The following MACROD2 variants were observed in gnomAD, a reference collection of about 807,000 sequenced individuals.
MACROD2 encodes the protein mono-ADP ribosylhydrolase 2, also known as ADP-ribose glycohydrolase MACROD2.
MACROD2 carries 36 observed loss-of-function variants against 70.4 expected under a neutral mutation model. The observed-to-expected ratio is 0.51, with a 90% CI of 0.39 to 0.68. The LOEUF (loss-of-function observed/expected upper bound fraction) is 0.68, where lower values mean the gene tolerates loss of function less well. Ranked by LOEUF, MACROD2 falls within the 30% of genes least tolerant of loss-of-function variation. The probability of loss-of-function intolerance (pLI) is 0.00; values close to 1 mark genes in which losing one functional copy is unlikely to be tolerated. For synonymous variants in MACROD2, 172 were observed against 178.8 expected, an observed-to-expected ratio of 0.96 and a Z score of 0.30; for missense variants, 496 against 538.4, an observed-to-expected ratio of 0.92 and a Z score of 0.78.
chr20:15,132,225 A>C (rs1186062422), intron 5 of MACROD2, among the ~76,000 whole-genome samples: 2 of 152,138 alleles, frequency 1.3e-5, no homozygotes, highest in East Asian at 3.9e-4. Flanking sequence ...GTAAAATAAA[A>C]AGTTTTCAGC....
At chr20:15,144,104 A>C (rs1193567284) in intron 5 of MACROD2, among the ~76,000 whole-genome samples, 1 of 152,138 alleles carries the variant, frequency 6.6e-6, no homozygotes, top group Non-Finnish European at 1.5e-5. Flanking sequence ...TACAGTAGTA[A>C]TATAAATACT....
rs537975049 is a variant in MACROD2, at chr20:15,987,242, C to T, written c.1153+84C>T. 850 of 1,096,972 alleles carry T rather than the reference C, an allele frequency of 7.7e-4. 9 individuals carry two copies. In the South Asian group the frequency reaches 8.4e-3, roughly 11 times the overall value. The allele number at this position is 1,096,972 out of a possible 1,614,324, so 68.0% of individuals were successfully genotyped here. On this transcript the variant is annotated intron_variant, in intron 15 of 17. Transcript: ENST00000684519. ...AGAATTCAACCATCAAAGTTATTCT[C>T]ATGCAATTACAGTTTGTAAAGGGGG...
intron 3 of MACROD2, among the ~76,000 whole-genome samples, chr20:14,099,878 A>G (rs2054275676): frequency 6.6e-6 from 1 of 152,106 alleles, no homozygotes; most frequent in Non-Finnish European, 1.5e-5. Context: ...TATTTTCATT[A>G]ATTTGTAAGA....
chr20:15,468,691 T>C (rs1376642097), intron 7 of MACROD2, among the ~76,000 whole-genome samples: 1 of 152,206 alleles, frequency 6.6e-6, no homozygotes, highest in Non-Finnish European at 1.5e-5. Context: ...ATTATCCGTC[T>C]TCTGCTGTTC....
intron 8 of MACROD2, among the ~76,000 whole-genome samples, chr20:15,624,773 G>A (rs1169763888): frequency 6.6e-6 from 1 of 152,120 alleles, no homozygotes; most frequent in Non-Finnish European, 1.5e-5. Context: ...CTGATTTCTG[G>A]TATAGGACAA....
At chr20:15,463,016 T>C (rs2046839234) in intron 7 of MACROD2, among the ~76,000 whole-genome samples, 1 of 152,252 alleles carries the variant, frequency 6.6e-6, no homozygotes, top group Admixed American at 6.5e-5. Flanking sequence ...AACTAATGTA[T>C]ACATTTGTAA....
intron 3 of MACROD2, among the ~76,000 whole-genome samples, chr20:14,139,597 G>C (rs1193629888): frequency 1.3e-5 from 2 of 152,122 alleles, no homozygotes; most frequent in African/African-American, 4.8e-5. Context: ...TTTTGCAATA[G>C]TGGTATAATT....
At position 14,062,190 on chromosome 20, in the gene MACROD2, C is replaced by G. The variant is rs541910133; in HGVS notation, c.164-23431C>G. Among the ~76,000 whole-genome samples the G allele has an allele frequency of 1.8e-3, 280 of 152,128 alleles. 3 individuals carry two copies. Among genetic ancestry groups the G allele is most frequent in the African/African-American group, 6.5e-3 (270 of 41,530 alleles). On this transcript the variant is annotated intron_variant, in intron 2 of 17. Coordinates refer to ENST00000684519, the MANE Select transcript of MACROD2 (RefSeq NM_001351661.2). The stretch of plus-strand genomic sequence containing the variant: ...TTAAGTGATTGACTTTGAAAGTGTC[C>G]TTTGTTTTAGCTTCTTTGTTCCATT...
chr20:14,671,306 A>G (rs1335133446), intron 4 of MACROD2, among the ~76,000 whole-genome samples: 1 of 152,198 alleles, frequency 6.6e-6, no homozygotes, highest in South Asian at 2.1e-4. Context: ...CATCTTTAAC[A>G]TACTCTGGGC....
intron 8 of MACROD2, among the ~76,000 whole-genome samples, chr20:15,523,255 C>T (rs1020347314): frequency 6.6e-5 from 10 of 152,194 alleles, no homozygotes; most frequent in Non-Finnish European, 1.5e-4. Flanking sequence ...CTGTATGTTT[C>T]ATCACTTGAG....
chr20:14,258,266 TG>T (rs2082073848), intron 3 of MACROD2, among the ~76,000 whole-genome samples: 2 of 152,220 alleles, frequency 1.3e-5, no homozygotes. Flanking sequence ...GTGGGATTGC[TG>T]GGTCAAATGG....
chr20:14,353,424 G>A (rs954522250), intron 3 of MACROD2, among the ~76,000 whole-genome samples: 3 of 152,036 alleles, frequency 2.0e-5, no homozygotes, highest in Non-Finnish European at 4.4e-5. Flanking sequence ...TACTCCACAT[G>A]TGTGAGTTTC....
intron 8 of MACROD2, among the ~76,000 whole-genome samples, chr20:15,584,314 G>A (rs1024130684): frequency 6.6e-6 from 1 of 152,062 alleles, no homozygotes; most frequent in African/African-American, 2.4e-5. Context: ...GTAGATTTTT[G>A]GCGTCATAGA....
intron 5 of MACROD2, among the ~76,000 whole-genome samples, chr20:14,825,184 G>C (rs1273770946): frequency 6.6e-6 from 1 of 152,024 alleles, no homozygotes; most frequent in Non-Finnish European, 1.5e-5. Context: ...TTTGAATTGA[G>C]AACAAGAGAA....
chr20:14,570,013 C>T (rs1044466719), intron 4 of MACROD2, among the ~76,000 whole-genome samples: 1 of 152,018 alleles, frequency 6.6e-6, no homozygotes, highest in East Asian at 1.9e-4. Flanking sequence ...CTAGCAATTC[C>T]ATTTCTAAGT....
intron 5 of MACROD2, among the ~76,000 whole-genome samples, chr20:15,142,097 G>T (rs381723): frequency 0.59 from 89,142 of 151,488 alleles, 26,315 homozygotes; most frequent in East Asian, 0.65. Context: ...TTATGACTGT[G>T]TGCATACCTG....
intron 3 of MACROD2, among the ~76,000 whole-genome samples, chr20:14,139,474 C>T (rs1351657927): frequency 6.6e-6 from 1 of 152,180 alleles, no homozygotes; most frequent in African/African-American, 2.4e-5. Context: ...TGGTTTTACT[C>T]ATCTGTTCCT....
intron 3 of MACROD2, among the ~76,000 whole-genome samples, chr20:14,130,930 G>GTTTTTTTTTT (rs11087075): frequency 2.7e-5 from 3 of 109,654 alleles, no homozygotes; most frequent in African/African-American, 4.0e-5. Context: ...TGTTTTTTTT[G>GTTTTTTTTTT]TTTTTTTTTT....
chr20:14,337,799 G>A (rs1399094555), intron 3 of MACROD2, among the ~76,000 whole-genome samples: 1 of 152,158 alleles, frequency 6.6e-6, no homozygotes, highest in Non-Finnish European at 1.5e-5. Context: ...GCCTGCCAAA[G>A]CTAGGATGCC....
Sources: allele counts gnomAD v4.1 joint callset (sites outside exome capture counted in the v4.1 genomes callset), GRCh38; gene constraint gnomAD v4.1.1; transcripts MANE v1.5; gene names NCBI Gene and HGNC (gene_info 2026-07-23, HGNC 2026-07-21).